FAM81B: variants seen among roughly 807,000 people sequenced by gnomAD.
FAM81B encodes the protein protein FAM81B.
In FAM81B, 60 loss-of-function variants were observed where a neutral mutation model predicts 58.7. That is an observed-to-expected ratio of 1.02 (90% CI 0.83 to 1.27). The LOEUF (loss-of-function observed/expected upper bound fraction) is 1.27. Among genes scored for constraint, FAM81B ranks in the 50% most tolerant of loss-of-function variants. FAM81B has a pLI of 0.00. For synonymous variants in FAM81B, 189 were observed against 179.6 expected, an observed-to-expected ratio of 1.05 and a Z score of -0.42; for missense variants, 491 against 522.0, an observed-to-expected ratio of 0.94 and a Z score of 0.58.
chr5:95,431,914 T>C (rs773411868), intron 6 of FAM81B, among the ~76,000 whole-genome samples: 8 of 152,026 alleles, frequency 5.3e-5, no homozygotes, highest in Non-Finnish European at 1.2e-4. Context: ...TGTTTTTTCA[T>C]TTTCATATGC....
At chr5:95,442,578 T>C (rs1745405244) in intron 7 of FAM81B, among the ~76,000 whole-genome samples, 1 of 152,216 alleles carries the variant, frequency 6.6e-6, no homozygotes, top group Non-Finnish European at 1.5e-5. Flanking sequence ...TGAAAACTAA[T>C]TCTACCACAG....
Position 95,420,303 on chromosome 5 carries a change from G to C in FAM81B, c.557G>C (p.Arg186Thr). 6.2e-7 allele frequency: 1 copy of C among 1,613,708 alleles called. No individual in the cohort carries two copies. Among genetic ancestry groups the C allele is most frequent in the Non-Finnish European group, 8.5e-7 (1 of 1,179,752 alleles). The stretch of plus-strand genomic sequence containing the variant: ...TTACAGATTTTAGAAGACCAAATAA[G>C]AGCTCGAGATCAGGCGGCCACAGGA... ...QNIEILEDQIRARDQAATGTN... is the reference protein window; with the variant it reads ...QNIEILEDQITARDQAATGTN... The change falls in exon 5 of 10, where the codon AGA becomes ACA. Residue 186 changes from arginine to threonine, a missense_variant. By Grantham distance (71) the Arg-to-Thr change is moderately conservative. Transcript: ENST00000283357.
chr5:95,429,121 T>C, intron 6 of FAM81B, among the ~76,000 whole-genome samples: 1 of 152,206 alleles, frequency 6.6e-6, no homozygotes, highest in East Asian at 1.9e-4. Context: ...TCATGTTACA[T>C]CCCACTTAAA....
chr5:95,424,743 G>A (rs910620130), intron 5 of FAM81B, among the ~76,000 whole-genome samples: 5 of 152,096 alleles, frequency 3.3e-5, no homozygotes, highest in African/African-American at 7.2e-5. Flanking sequence ...AACTGAGAGA[G>A]GCAGTGAGAG....
intron 3 of FAM81B, among the ~76,000 whole-genome samples, chr5:95,403,585 A>C (rs1347969758): frequency 6.6e-6 from 1 of 152,234 alleles, no homozygotes; most frequent in East Asian, 1.9e-4. Flanking sequence ...AGAGTTTGGT[A>C]AATTTAGTAG....
At chr5:95,406,891 TG>T (rs1193869406) in intron 3 of FAM81B, among the ~76,000 whole-genome samples, 2 of 152,158 alleles carry the variant, frequency 1.3e-5, no homozygotes, top group Non-Finnish European at 2.9e-5. Context: ...CATATCCCTC[TG>T]GGGCCGATTT....
intron 8 of FAM81B, among the ~76,000 whole-genome samples, chr5:95,447,531 A>C (rs1446784450): frequency 6.6e-6 from 1 of 152,182 alleles, no homozygotes; most frequent in Non-Finnish European, 1.5e-5. Flanking sequence ...AGATTCCTTT[A>C]CCAGTTATAC....
Position 95,436,802 on chromosome 5 carries a change from G to T in FAM81B, c.789G>T (p.Val263=). The change falls in exon 7 of 10, where the codon GTG becomes GTT. Residue 263 remains valine, a splice_region_variant and synonymous_variant. Transcript: ENST00000283357. ...AAACCCTCTCGTACTTTGACTAGGT[G>T]ATGCAGCTCTTAGGAAAGATAGAAA... ...ETLSKNLDMK[V]MQLLGKIETA... is the part of the protein sequence containing the mutation. The T allele has an allele frequency of 4.4e-6, 7 of 1,607,170 alleles. No individual in the cohort carries two copies. The highest frequency in any genetic ancestry group is 6.0e-6 in the Non-Finnish European group (7 of 1,173,668).
At chr5:95,392,047 G>A (rs1761834959) in intron 1 of FAM81B, among the ~76,000 whole-genome samples, 2 of 152,130 alleles carry the variant, frequency 1.3e-5, no homozygotes, top group South Asian at 2.1e-4. Flanking sequence ...AAAGACACAT[G>A]CACACGTATG....
intron 3 of FAM81B, among the ~76,000 whole-genome samples, chr5:95,409,605 T>C (rs893542957): frequency 2.0e-5 from 3 of 152,186 alleles, no homozygotes; most frequent in African/African-American, 7.2e-5. Context: ...TATATTTCTA[T>C]ATTTTATTTA....
chr5:95,399,075 A>G (rs1027421561), intron 3 of FAM81B, among the ~76,000 whole-genome samples: 3 of 152,250 alleles, frequency 2.0e-5, no homozygotes, highest in African/African-American at 7.2e-5. Context: ...GCTATAGCCA[A>G]TATATAACTC....
intron 5 of FAM81B, among the ~76,000 whole-genome samples, chr5:95,420,642 G>A (rs568929735): frequency 2.6e-5 from 4 of 152,336 alleles, no homozygotes; most frequent in Non-Finnish European, 4.4e-5. Flanking sequence ...CCAAAGTTCT[G>A]TCTTTGCAGC....
chr5:95,425,304 G>A (rs1355789947), intron 5 of FAM81B, among the ~76,000 whole-genome samples: 1 of 152,108 alleles, frequency 6.6e-6, no homozygotes, highest in Non-Finnish European at 1.5e-5. Flanking sequence ...AGATATCCTG[G>A]TTGAAGTTGC....
chr5:95,449,584 C>T (rs981415101), intron 9 of FAM81B, among the ~76,000 whole-genome samples: 6 of 152,072 alleles, frequency 3.9e-5, no homozygotes, highest in African/African-American at 9.7e-5. Context: ...TGTTGAGAAA[C>T]GACTCTGTGA....
chr5:95,415,792 G>C (rs1278445083), intron 4 of FAM81B, among the ~76,000 whole-genome samples: 1 of 152,110 alleles, frequency 6.6e-6, no homozygotes, highest in Admixed American at 6.5e-5. Flanking sequence ...TTATATGGTT[G>C]ATTACATTAC....
In FAM81B at chr5:95,444,685, T is replaced by C. The variant is rs75319194; in HGVS notation, c.894-1877T>C. Reference sequence around the variant, plus strand: ...CAACAGTCAATCAAGATATGCCTCATATCTATGTGAAAAATATCACTCTGT... The same window carrying C: ...CAACAGTCAATCAAGATATGCCTCACATCTATGTGAAAAATATCACTCTGT... On this transcript the variant is annotated intron_variant, in intron 7 of 9. Coordinates refer to ENST00000283357, the MANE Select transcript of FAM81B (RefSeq NM_152548.3). Among the ~76,000 whole-genome samples the C allele has an allele frequency of 9.1e-3, 1,393 of 152,298 alleles. 21 individuals carry two copies. The highest frequency in any genetic ancestry group is 0.032 in the African/African-American group (1,310 of 41,560).
At chr5:95,411,481 A>T (rs1180438762) in intron 3 of FAM81B, among the ~76,000 whole-genome samples, 1 of 152,224 alleles carries the variant, frequency 6.6e-6, no homozygotes, top group East Asian at 1.9e-4. Flanking sequence ...ACATACAGGT[A>T]TACTAACAAC....
At chr5:95,445,300 T>C (rs1273991716) in intron 7 of FAM81B, among the ~76,000 whole-genome samples, 3 of 152,202 alleles carry the variant, frequency 2.0e-5, no homozygotes, top group Non-Finnish European at 4.4e-5. Flanking sequence ...ATAACAAACA[T>C]TGTTCTTGCC....
intron 3 of FAM81B, among the ~76,000 whole-genome samples, chr5:95,398,341 C>G (rs1762015217): frequency 6.6e-6 from 1 of 152,068 alleles, no homozygotes; most frequent in Non-Finnish European, 1.5e-5. Context: ...ATCACTTGAA[C>G]CCGGGAGGTG....
Sources: gnomAD v4.1 joint callset for allele counts (sites outside exome capture counted in the v4.1 genomes callset) on GRCh38, gnomAD v4.1.1 for gene constraint, MANE v1.5 for transcripts, NCBI Gene and HGNC (gene_info 2026-07-23, HGNC 2026-07-21) for gene names.